The following WDFY3 variants were observed in gnomAD, a reference collection of about 807,000 sequenced individuals.
WDFY3 encodes the protein WD repeat and FYVE domain containing 3.
In WDFY3, 66 loss-of-function variants were observed where a neutral mutation model predicts 409.6. That is an observed-to-expected ratio of 0.16 (90% CI 0.13 to 0.20). The LOEUF (loss-of-function observed/expected upper bound fraction) is 0.20, where lower values mean the gene tolerates loss of function less well. WDFY3 is among the 10% of genes least tolerant of loss of function. The pLI is 1.00. For missense variants in WDFY3, 3,031 were observed against 4,298.1 expected, an observed-to-expected ratio of 0.71 and a Z score of 8.24; for synonymous variants, 1,521 against 1,537.1, an observed-to-expected ratio of 0.99 and a Z score of 0.25.
At chr4:84,755,924 C>T (rs1741360535) in intron 33 of WDFY3, among the ~76,000 whole-genome samples, 1 of 152,174 alleles carries the variant, frequency 6.6e-6, no homozygotes, top group Non-Finnish European at 1.5e-5. Context: ...TACAACTGTG[C>T]TAGGCATGAA....
At chr4:84,868,929 T>C (rs748355865) in intron 3 of WDFY3, among the ~76,000 whole-genome samples, 1 of 152,234 alleles carries the variant, frequency 6.6e-6, no homozygotes, top group African/African-American at 2.4e-5. Flanking sequence ...TCTCCGAGTT[T>C]TTATACATAT....
chr4:84,756,445 C>T (rs971162427), intron 33 of WDFY3, among the ~76,000 whole-genome samples: 7 of 151,674 alleles, frequency 4.6e-5, no homozygotes, highest in African/African-American at 1.2e-4. Flanking sequence ...ATTAGCCCAG[C>T]GGGGTAGCGC....
intron 58 of WDFY3, among the ~76,000 whole-genome samples, chr4:84,694,436 G>A (rs1413928907): frequency 6.6e-6 from 1 of 152,178 alleles, no homozygotes; most frequent in East Asian, 1.9e-4. Flanking sequence ...CAGACTTCTG[G>A]CCTCTTCTAC....
At position 84,773,046 on chromosome 4, in the gene WDFY3, T is replaced by C; in HGVS notation, c.4755-117A>G. 4.1e-6 allele frequency: 3 copies of C among 728,522 alleles called. No homozygotes were observed. The South Asian group carries it at 6.3e-5, about 15-fold the overall frequency. 45.1% of individuals were successfully genotyped at this position (728,522 alleles called of 1,614,324 possible). Reference sequence around the variant, plus strand: ...AAACCAAAACAGTACTTTTTTTTTTTTTCATAATCTCATTTCATTTTATTC... The same window carrying C: ...AAACCAAAACAGTACTTTTTTTTTTCTTCATAATCTCATTTCATTTTATTC... On this transcript the variant is annotated intron_variant, in intron 29 of 67. Transcript: ENST00000295888.
At chr4:84,876,239 T>C (rs1179615629) in intron 3 of WDFY3, among the ~76,000 whole-genome samples, 1 of 152,184 alleles carries the variant, frequency 6.6e-6, no homozygotes, top group African/African-American at 2.4e-5. Context: ...AACACCATCA[T>C]ATATGCCGTC....
intron 4 of WDFY3, among the ~76,000 whole-genome samples, chr4:84,856,904 T>C (rs759902776): frequency 1.3e-5 from 2 of 152,158 alleles, no homozygotes; most frequent in African/African-American, 4.8e-5. Flanking sequence ...TAGTGGACAA[T>C]GTTCAAGCAC....
intron 32 of WDFY3, among the ~76,000 whole-genome samples, chr4:84,757,820 T>C (rs1741714508): frequency 6.6e-6 from 1 of 152,180 alleles, no homozygotes. Flanking sequence ...TAACCTTAAA[T>C]TACCTATGAA....
At chr4:84,917,923 T>C (rs1030530385) in intron 2 of WDFY3, among the ~76,000 whole-genome samples, 3 of 152,124 alleles carry the variant, frequency 2.0e-5, no homozygotes, top group Non-Finnish European at 2.9e-5. Flanking sequence ...TCTCCCCCTA[T>C]ATATATGGCT....
At chr4:84,863,577 T>G (rs1176257550) in intron 3 of WDFY3, among the ~76,000 whole-genome samples, 1 of 152,204 alleles carries the variant, frequency 6.6e-6, no homozygotes, top group African/African-American at 2.4e-5. Context: ...TTATTTGAGT[T>G]TCGCTATGAG....
At chr4:84,744,964 G>C (rs1332449872) in intron 36 of WDFY3, among the ~76,000 whole-genome samples, 7 of 152,034 alleles carry the variant, frequency 4.6e-5, no homozygotes, top group African/African-American at 1.7e-4. Flanking sequence ...GTTCTCTGTG[G>C]GTTTTTGTAA....
chr4:84,690,808 C>T, intron 60 of WDFY3, 144 bp from the exon 61 acceptor site: 2 of 1,015,926 alleles, frequency 2.0e-6, no homozygotes, highest in Non-Finnish European at 2.8e-6. Flanking sequence ...AGTTCAGAAG[C>T]ATATCCACTG....
At chr4:84,766,455 G>GA (rs1439908801) in intron 30 of WDFY3, 83 bp from the exon 31 acceptor site, 2 of 1,322,740 alleles carry the variant, frequency 1.5e-6, no homozygotes, top group Non-Finnish European at 2.1e-6. Context: ...AAAGTTTACT[G>GA]AAAAATATAT....
intron 62 of WDFY3, 147 bp from the exon 63 acceptor site, chr4:84,684,272 G>A: frequency 1.4e-6 from 1 of 710,042 alleles, no homozygotes; most frequent in African/African-American, 1.8e-5. Context: ...CTGAAATTCA[G>A]TGCTTGCTGA....
chr4:84,754,417 T>C (rs979837456), intron 34 of WDFY3, among the ~76,000 whole-genome samples: 6 of 152,230 alleles, frequency 3.9e-5, no homozygotes, highest in Non-Finnish European at 7.3e-5. Flanking sequence ...TTATAGTTGT[T>C]TATGAATAGG....
At chr4:84,957,372 T>A (rs907640856) in intron 1 of WDFY3, among the ~76,000 whole-genome samples, 1 of 151,754 alleles carries the variant, frequency 6.6e-6, no homozygotes, top group African/African-American at 2.4e-5. Context: ...TTATACACAA[T>A]CTATTGGACA....
intron 2 of WDFY3, among the ~76,000 whole-genome samples, chr4:84,911,752 A>C (rs991006611): frequency 1.3e-5 from 2 of 152,204 alleles, no homozygotes; most frequent in African/African-American, 4.8e-5. Context: ...TGTAGATACC[A>C]GTCTATTTTT....
At chr4:84,960,475 T>A (rs972659733) in intron 1 of WDFY3, among the ~76,000 whole-genome samples, 1 of 152,236 alleles carries the variant, frequency 6.6e-6, no homozygotes, top group Non-Finnish European at 1.5e-5. Context: ...AAGACATTCG[T>A]GTATGTATAC....
chr4:84,832,093 T>A (rs945142606), intron 7 of WDFY3, among the ~76,000 whole-genome samples: 2 of 152,116 alleles, frequency 1.3e-5, no homozygotes, highest in Non-Finnish European at 2.9e-5. Context: ...TCAACCTAAG[T>A]ATCCAACAGA....
intron 7 of WDFY3, among the ~76,000 whole-genome samples, chr4:84,834,933 T>C (rs746516361): frequency 3.3e-5 from 5 of 152,200 alleles, no homozygotes; most frequent in Non-Finnish European, 7.4e-5. Context: ...GATGAGGAAC[T>C]AAAACAAAGA....
Sources: gnomAD v4.1 joint callset for allele counts (sites outside exome capture counted in the v4.1 genomes callset) on GRCh38, gnomAD v4.1.1 for gene constraint, MANE v1.5 for transcripts, NCBI Gene and HGNC (gene_info 2026-07-23, HGNC 2026-07-21) for gene names.